The following CYP2W1 variants were observed in gnomAD, a reference collection of about 807,000 sequenced individuals.
The protein encoded by CYP2W1 is cytochrome P450 family 2 subfamily W member 1.
A neutral mutation model predicts 44.9 loss-of-function variants in CYP2W1; 51 were observed. The ratio of observed to expected loss-of-function variants is 1.14; its 90% CI spans 0.91 to 1.43. The LOEUF (loss-of-function observed/expected upper bound fraction) is 1.43, where lower values mean the gene tolerates loss of function less well. CYP2W1 is among the 40% of genes most tolerant of loss of function. CYP2W1 has a pLI of 0.00. For missense variants in CYP2W1, 746 were observed against 700.0 expected (o/e 1.07, Z -0.74); for synonymous variants, 383 against 338.3 (o/e 1.13, Z -1.45).
rs373498869 is a variant in CYP2W1 at position 986,602 on chromosome 7, G to A, written c.646-22G>A. 1.6e-4 allele frequency: 261 copies of A among 1,611,684 alleles called. 1 individual carries two copies. The African/African-American group carries it at 2.8e-3, about 17-fold the overall frequency. On this transcript the variant is annotated intron_variant, in intron 4 of 8. Coordinates refer to ENST00000308919, the MANE Select transcript of CYP2W1 (RefSeq NM_017781.3). ...GCCCTGGGGCTGCGTCCTTATCTCC[G>A]CTCCTCCTGCCTCCTGCCCAGCTGT...
intron 4 of CYP2W1, 49 bp downstream of exon 4, chr7:985,372 G>C: frequency 6.5e-7 from 1 of 1,530,536 alleles, no homozygotes; most frequent in Non-Finnish European, 8.8e-7. Flanking sequence ...CTGGAGTGAT[G>C]GGCGTGCAGC....
Position 985,302 on chromosome 7 carries a change from C to T in CYP2W1, c.624C>T (p.Leu208=). 1 of 1,551,290 alleles carries T rather than the reference C, an allele frequency of 6.4e-7. No individual in the cohort carries two copies. Among genetic ancestry groups the T allele is most frequent in the Non-Finnish European group, 8.7e-7 (1 of 1,147,230 alleles). ...LLGLIDEVMV[L]LGSPGLQLFN... The stretch of plus-strand genomic sequence containing the variant: ...GTCTCATCGATGAGGTCATGGTCCT[C>T]TTGGGGTCCCCTGGCCTGCAGGTGA... The change falls in exon 4 of 9, where the codon CTC becomes CTT. Residue 208 remains leucine (L), a synonymous_variant. Transcript: ENST00000308919.
chr7:986,179 C>A (rs1008747865), intron 4 of CYP2W1, among the ~76,000 whole-genome samples: 2 of 152,108 alleles, frequency 1.3e-5, no homozygotes, highest in South Asian at 2.1e-4. Context: ...GCGAGTGGCA[C>A]GAGGTGTGGC....
chr7:983,444 C>T (rs376904688), intron 1 of CYP2W1, 59 bp downstream of exon 1: 96 of 1,364,422 alleles, frequency 7.0e-5, no homozygotes, highest in Middle Eastern at 2.7e-4. Flanking sequence ...TCCTGGCCCC[C>T]CTCCTGGGGA....
At chr7:986,828 C>CCTA in intron 5 of CYP2W1, 31 bp downstream of exon 5, 1 of 1,493,434 alleles carries the variant, frequency 6.7e-7, no homozygotes, top group Middle Eastern at 1.8e-4. Flanking sequence ...TCCTTGAAGG[C>CCTA]CTGTAGGGGT....
Position 983,202 on chromosome 7 carries a change from C to A in CYP2W1, c.-10C>A. ...CAGGAGGGGAGTGGAGCCTCACCAG[C>A]CACGTCCTCATGGCCCTGCTGCTCT... is the stretch of plus-strand genomic sequence containing the variant. On this transcript the variant is annotated 5_prime_UTR_variant, in exon 1 of 9. Coordinates refer to ENST00000308919, the MANE Select transcript of CYP2W1 (RefSeq NM_017781.3). 1 of 1,487,548 alleles carries A rather than the reference C, an allele frequency of 6.7e-7. No homozygotes were observed. Among genetic ancestry groups the A allele is most frequent in the Non-Finnish European group, 9.0e-7 (1 of 1,110,484 alleles). 92.1% of individuals were successfully genotyped at this position (1,487,548 alleles called of 1,614,324 possible). A position where few individuals can be genotyped will look rare whatever the true frequency, so the allele number is the denominator to read the frequency against.
At position 984,975 on chromosome 7, in the gene CYP2W1, C is replaced by G. The variant is rs750243132; in HGVS notation, c.363C>G (p.Arg121=). Residue 121 remains arginine, a synonymous_variant, in exon 3 of 9, where the codon CGC becomes CGG. Transcript: ENST00000308919. ...GGGIFFSSGA[R]WRAARQFTVR... Reference sequence around the variant, plus strand: ...GCATCTTCTTCTCATCTGGGGCGCGCTGGAGGGCTGCCCGCCAGTTCACGG... The same window carrying G: ...GCATCTTCTTCTCATCTGGGGCGCGGTGGAGGGCTGCCCGCCAGTTCACGG... 1 of 1,607,228 alleles carries G rather than the reference C, an allele frequency of 6.2e-7. No homozygotes were observed. Among genetic ancestry groups the G allele is most frequent in the South Asian group, 1.1e-5 (1 of 90,976 alleles).
chr7:983,384 A>C lies in CYP2W1; in HGVS notation c.173A>C (p.Glu58Ala), dbSNP rs1316523256. 6.8e-5 allele frequency: 103 copies of C among 1,504,126 alleles called. 1 individual carries two copies. The East Asian group carries it at 2.6e-3, about 38-fold the overall frequency. 93.2% of individuals were successfully genotyped at this position (1,504,126 alleles called of 1,614,324 possible). ...TCGCAACAGGACCGGTCCCTGATGGAGGTAAGTCAGGGAGCCCGGGCAGCT... is the reference window on the plus strand; with the variant it reads ...TCGCAACAGGACCGGTCCCTGATGGCGGTAAGTCAGGGAGCCCGGGCAGCT... ...RLSQQDRSLM[E>A]LSERYGPVFT... is the part of the protein sequence containing the mutation. The change falls in exon 1 of 9, where the codon GAG becomes GCG. Residue 58 changes from glutamate to alanine, a missense_variant and splice_region_variant. By Grantham distance (107) the Glu-to-Ala change is moderately radical (BLOSUM62 -1). Coordinates refer to ENST00000308919, the MANE Select transcript of CYP2W1 (RefSeq NM_017781.3).
Position 988,260 on chromosome 7 carries a change from C to A in CYP2W1, c.1144-17C>A, listed in dbSNP as rs1265309704. ...TTCCCCGGGGCCCCTCTCTCTGTGC[C>A]CCGGCTGCCCCCACAGGGCACGCCC... On this transcript the variant is annotated splice_polypyrimidine_tract_variant and intron_variant, in intron 7 of 8. Coordinates refer to ENST00000308919, the MANE Select transcript of CYP2W1 (RefSeq NM_017781.3). 6.4e-7 allele frequency: 1 copy of A among 1,562,804 alleles called. No homozygotes were observed. The highest frequency in any genetic ancestry group is 1.8e-5 in the Admixed American group (1 of 55,116).
Position 986,795 on chromosome 7 carries a change from C to A in CYP2W1, c.817C>A (p.Gln273Lys). 1 of 1,560,526 alleles carries A rather than the reference C, an allele frequency of 6.4e-7. No individual in the cohort carries two copies. Among genetic ancestry groups the A allele is most frequent in the South Asian group, 1.2e-5 (1 of 83,130 alleles). ...TGTGGACGCCCTGATCCAGCAGGGACAGGTGTGTCGGGACCCAAGACCTCC... is the reference window on the plus strand; with the variant it reads ...TGTGGACGCCCTGATCCAGCAGGGAAAGGTGTGTCGGGACCCAAGACCTCC... The part of the protein sequence containing the change: ...SYVDALIQQG[Q>K]GDDPEGLFAE... The change falls in exon 5 of 9, where the codon CAG becomes AAG. Residue 273 changes from glutamine to lysine, a missense_variant and splice_region_variant. Gln to Lys is a moderately conservative substitution (Grantham distance 53). Coordinates refer to ENST00000308919, the MANE Select transcript of CYP2W1 (RefSeq NM_017781.3).
At chr7:988,541 T>C in intron 8 of CYP2W1, 94 bp from the exon 9 acceptor site, 1 of 1,597,024 alleles carries the variant, frequency 6.3e-7, no homozygotes, top group Non-Finnish European at 8.5e-7. Flanking sequence ...GCGGCTGTGG[T>C]GGCTGCTCCT....
At chr7:986,458 C>T (rs1848352297) in intron 4 of CYP2W1, 166 bp from the exon 5 acceptor site, 2 of 750,950 alleles carry the variant, frequency 2.7e-6, no homozygotes, top group African/African-American at 3.6e-5. Context: ...CTGGCAGTTC[C>T]TGGTCCTCCC....
chr7:983,560 G>A (rs747578003), intron 1 of CYP2W1, among the ~76,000 whole-genome samples, 175 bp downstream of exon 1: 7 of 152,156 alleles, frequency 4.6e-5, no homozygotes, highest in African/African-American at 1.4e-4. Flanking sequence ...AAGCCACCCC[G>A]TCCCACAGGG....
rs1848224652 is a variant in CYP2W1 at position 985,076 on chromosome 7, C to T, written c.464C>T (p.Ser155Phe). ...DKILQELKCL[S>F]GQLDGYRGRP... ...ATTCTGCAGGAGCTGAAATGCCTCTCTGGGCAGCTGGATGGCTACAGAGGT... is the reference window on the plus strand; with the variant it reads ...ATTCTGCAGGAGCTGAAATGCCTCTTTGGGCAGCTGGATGGCTACAGAGGT... The change falls in exon 3 of 9, where the codon TCT becomes TTT. Residue 155 changes from serine (S) to phenylalanine (F), a missense_variant. Ser to Phe is a radical substitution (Grantham distance 155). Transcript: ENST00000308919. The T allele has an allele frequency of 6.2e-6, 10 of 1,612,432 alleles. No homozygotes were observed. Among genetic ancestry groups the T allele is most frequent in the Non-Finnish European group, 8.5e-6 (10 of 1,179,766 alleles).
intron 4 of CYP2W1, among the ~76,000 whole-genome samples, chr7:985,766 A>G (rs1021228490): frequency 6.6e-6 from 1 of 152,196 alleles, no homozygotes; most frequent in Non-Finnish European, 1.5e-5. Context: ...AAATGTAAAG[A>G]TCCCCTCTTT....
intron 7 of CYP2W1, among the ~76,000 whole-genome samples, chr7:987,879 CCT>C (rs573552731): frequency 2.2e-4 from 33 of 150,464 alleles, no homozygotes; most frequent in African/African-American, 6.4e-4. Context: ...CTGGGGATCC[CCT>C]GTGTGTCCTG....
chr7:985,957 A>C (rs1039111445), intron 4 of CYP2W1, among the ~76,000 whole-genome samples: 16 of 151,906 alleles, frequency 1.1e-4, no homozygotes, highest in Non-Finnish European at 2.2e-4. Context: ...CACAGCTTCC[A>C]CCCGTCCTAG....
In CYP2W1 at chr7:988,984, AC is replaced by A; in HGVS notation, c.*165del. 1.8e-6 allele frequency: 1 copy of A among 571,122 alleles called. No individual in the cohort carries two copies. The highest frequency in any genetic ancestry group is 2.3e-5 in the South Asian group (1 of 43,976). The allele number at this position is 571,122 out of a possible 1,614,324, so 35.4% of individuals were successfully genotyped here. A position where few individuals can be genotyped will look rare whatever the true frequency, so the allele number is the denominator to read the frequency against. On this transcript the variant is annotated 3_prime_UTR_variant, in exon 9 of 9. Coordinates refer to ENST00000308919, the MANE Select transcript of CYP2W1 (RefSeq NM_017781.3). Reference sequence around the variant, plus strand: ...AGGGTCAGCAACTGCTTCCGGTTACACCCAGGACTACCCCTGCCCGACCCTG... The same window carrying A: ...AGGGTCAGCAACTGCTTCCGGTTACACCAGGACTACCCCTGCCCGACCCTG...
intron 4 of CYP2W1, among the ~76,000 whole-genome samples, chr7:985,630 G>A (rs973358159): frequency 6.6e-6 from 1 of 152,164 alleles, no homozygotes; most frequent in Non-Finnish European, 1.5e-5. Context: ...ATTGCGGGGG[G>A]CTCCATGTCT....
Sources: allele counts gnomAD v4.1 joint callset (sites outside exome capture counted in the v4.1 genomes callset), GRCh38; gene constraint gnomAD v4.1.1; transcripts MANE v1.5; gene names NCBI Gene and HGNC (gene_info 2026-07-23, HGNC 2026-07-21).